Variants in PBX1 observed in about 807,000 individuals in gnomAD.
The protein encoded by PBX1 is PBX homeobox 1, also known as pre-B-cell leukemia transcription factor 1.
In PBX1, 6 loss-of-function variants were observed where a neutral mutation model predicts 53.4. The observed-to-expected ratio is 0.11, with a 90% CI of 0.06 to 0.22. PBX1 has a LOEUF of 0.22. Among genes scored for constraint, PBX1 ranks in the 10% least tolerant of loss-of-function variants. The pLI, the probability that PBX1 is intolerant of heterozygous loss-of-function variation, is 1.00. For synonymous variants in PBX1, 204 were observed against 212.3 expected (o/e 0.96, Z 0.34); for missense variants, 251 against 551.4 (o/e 0.46, Z 5.46).
chr1:164,589,795 CA>C (rs1415012944), intron 2 of PBX1, among the ~76,000 whole-genome samples: 5 of 152,302 alleles, frequency 3.3e-5, no homozygotes, highest in South Asian at 2.1e-4. Flanking sequence ...GTGACTTTTC[CA>C]AGGTCTTATA....
chr1:164,689,074 TG>T (rs1418918426), intron 2 of PBX1, among the ~76,000 whole-genome samples: 1 of 152,212 alleles, frequency 6.6e-6, no homozygotes, highest in Non-Finnish European at 1.5e-5. Flanking sequence ...AATGAGTAAT[TG>T]GGACTCGCCA....
intron 2 of PBX1, among the ~76,000 whole-genome samples, chr1:164,606,363 G>T (rs1557887235): frequency 1.3e-5 from 2 of 152,258 alleles, no homozygotes; most frequent in Admixed American, 1.3e-4. Flanking sequence ...GGTGGTGGAC[G>T]CCTGTATTCC....
chr1:164,879,905 G>A (rs1672605934), intron 2 of PBX1, among the ~76,000 whole-genome samples: 1 of 152,176 alleles, frequency 6.6e-6, no homozygotes, highest in Non-Finnish European at 1.5e-5. Flanking sequence ...AGCCTACGCT[G>A]GGGGTGCTCC....
Position 164,847,475 on chromosome 1 carries a change from C to T in PBX1, c.*799C>T. The T allele has an allele frequency of 9.4e-7, 1 of 1,062,956 alleles. No individual in the cohort carries two copies. The highest frequency in any genetic ancestry group is 1.1e-6 in the Non-Finnish European group (1 of 877,792). 65.8% of individuals were successfully genotyped at this position (1,062,956 alleles called of 1,614,324 possible). On this transcript the variant is annotated 3_prime_UTR_variant, in exon 9 of 9. Coordinates refer to ENST00000420696, the MANE Select transcript of PBX1 (RefSeq NM_002585.4). ...TAGCTCTCAGTTTCAGAGGCACAGT[C>T]TTTGGAGACCATTCAGCACTGAGAA...
intron 2 of PBX1, among the ~76,000 whole-genome samples, chr1:164,707,418 T>TGTGAGAGAGAGAGAGAGATAGAGAGA (rs58617739): frequency 8.5e-6 from 1 of 118,214 alleles, no homozygotes; most frequent in Admixed American, 8.0e-5. Context: ...TGTGTGTGTG[T>TGTGAGAGAGAGAGAGAGATAGAGAGA]GAGAGAGAGA....
In PBX1 at chr1:164,609,859, T is replaced by TG. The variant is rs1656791817; in HGVS notation, c.265+46555dup. Among the ~76,000 whole-genome samples, 3 of 152,150 alleles carry TG rather than the reference T, an allele frequency of 2.0e-5. No homozygotes were observed. The South Asian group carries it at 6.2e-4, about 32-fold the overall frequency. On this transcript the variant is annotated intron_variant, in intron 2 of 8. Transcript: ENST00000420696. ...TTAAATACAATGAATAATTTAATGTTGGGGGGGATATGGTAAAAGAAGAAG... is the reference window on the plus strand; with the variant it reads ...TTAAATACAATGAATAATTTAATGTTGGGGGGGGATATGGTAAAAGAAGAAG...
intron 2 of PBX1, among the ~76,000 whole-genome samples, chr1:164,577,507 A>G (rs1005344606): frequency 6.6e-6 from 1 of 152,210 alleles, no homozygotes; most frequent in African/African-American, 2.4e-5. Context: ...CCCAGGCAGG[A>G]AGGGGCTGTC....
chr1:164,597,101 G>C (rs1210996365), intron 2 of PBX1, among the ~76,000 whole-genome samples: 1 of 152,160 alleles, frequency 6.6e-6, no homozygotes, highest in East Asian at 1.9e-4. Context: ...CTTCTTGTTG[G>C]TTTTCTTATG....
chr1:164,615,350 A>G (rs1034421994), intron 2 of PBX1, among the ~76,000 whole-genome samples: 10 of 152,218 alleles, frequency 6.6e-5, no homozygotes, highest in African/African-American at 2.4e-4. Flanking sequence ...TTAAATAACT[A>G]AGTCACTATC....
At chr1:164,791,196 T>G (rs1333604997) in intron 2 of PBX1, among the ~76,000 whole-genome samples, 1 of 152,024 alleles carries the variant, frequency 6.6e-6, no homozygotes, top group Non-Finnish European at 1.5e-5. Flanking sequence ...TTTAGATGAG[T>G]GATTTATTTT....
At chr1:164,707,414 T>TGAGAGAGA (rs1335251572) in intron 2 of PBX1, among the ~76,000 whole-genome samples, 21 of 106,752 alleles carry the variant, frequency 2.0e-4, no homozygotes, top group African/African-American at 9.6e-4. Flanking sequence ...TGTGTGTGTG[T>TGAGAGAGA]GTGTGAGAGA....
intron 2 of PBX1, chr1:164,639,804 AG>A (rs2101897400): frequency 6.6e-6 from 1 of 152,314 alleles, no homozygotes; most frequent in Non-Finnish European, 1.5e-5. Flanking sequence ...CTGGGACTAT[AG>A]GCATGCACCA....
At chr1:164,742,277 C>T (rs1329794867) in intron 2 of PBX1, among the ~76,000 whole-genome samples, 2 of 152,146 alleles carry the variant, frequency 1.3e-5, no homozygotes, top group Admixed American at 6.5e-5. Flanking sequence ...AGTGGTGGCT[C>T]ACGCCTGTAA....
Position 164,760,043 on chromosome 1 carries a change from C to T in PBX1, c.266-32451C>T, listed in dbSNP as rs76622343. The stretch of plus-strand genomic sequence containing the variant: ...CACACGTGCTTTCTCCTCCAGTCTC[C>T]GTGTGTCTGTAAAAGTTCAAATACT... On this transcript the variant is annotated intron_variant, in intron 2 of 8. Coordinates refer to ENST00000420696, the MANE Select transcript of PBX1 (RefSeq NM_002585.4). Among the ~76,000 whole-genome samples the T allele has an allele frequency of 3.9e-5, 6 of 152,286 alleles. No individual in the cohort carries two copies. The East Asian group carries it at 9.6e-4, about 24-fold the overall frequency.
chr1:164,854,889 A>G (rs1433607551), downstream of PBX1, among the ~76,000 whole-genome samples: 1 of 148,992 alleles, frequency 6.7e-6, no homozygotes, highest in Non-Finnish European at 1.5e-5. Flanking sequence ...ACTCTCTCCC[A>G]CAATGCCCAG....
intron 2 of PBX1, among the ~76,000 whole-genome samples, chr1:164,783,994 C>T (rs1030776513): frequency 2.0e-5 from 3 of 152,174 alleles, no homozygotes; most frequent in South Asian, 2.1e-4. Flanking sequence ...TTCATCTCCA[C>T]GGAATGCACA....
intron 2 of PBX1, among the ~76,000 whole-genome samples, chr1:164,861,808 C>G (rs974500100): frequency 6.6e-6 from 1 of 152,150 alleles, no homozygotes; most frequent in Non-Finnish European, 1.5e-5. Flanking sequence ...GAAGAGTATT[C>G]CAGGCAGAGA....
intron 2 of PBX1, among the ~76,000 whole-genome samples, chr1:164,565,479 G>T (rs1653370789): frequency 6.6e-6 from 1 of 151,478 alleles, no homozygotes; most frequent in Admixed American, 6.6e-5. Flanking sequence ...GGGCACCCCT[G>T]GGTGAAAGTA....
intron 8 of PBX1, among the ~76,000 whole-genome samples, chr1:164,843,005 C>T (rs1481482736): frequency 7.2e-6 from 1 of 139,450 alleles, no homozygotes; most frequent in Non-Finnish European, 1.5e-5. Flanking sequence ...ACTTAATATT[C>T]ACCCACAGTC....
Sources: gnomAD v4.1 joint callset for allele counts (sites outside exome capture counted in the v4.1 genomes callset) on GRCh38, gnomAD v4.1.1 for gene constraint, MANE v1.5 for transcripts, NCBI Gene and HGNC (gene_info 2026-07-23, HGNC 2026-07-21) for gene names.